The following USP5 variants were observed in gnomAD, a reference collection of about 807,000 sequenced individuals.
USP5 encodes ubiquitin carboxyl-terminal hydrolase 5.
A neutral mutation model predicts 102.5 loss-of-function variants in USP5; 24 were observed. That is an observed-to-expected ratio of 0.23 (90% CI 0.17 to 0.33). The LOEUF (loss-of-function observed/expected upper bound fraction) is 0.33, where lower values mean the gene tolerates loss of function less well. Ranked by LOEUF, USP5 falls within the 10% of genes least tolerant of loss-of-function variation. The pLI is 1.00. For missense variants in USP5, 753 were observed against 1,122.1 expected, an observed-to-expected ratio of 0.67 and a Z score of 4.70; for synonymous variants, 460 against 434.8, an observed-to-expected ratio of 1.06 and a Z score of -0.72.
In USP5 at chr12:6,855,662, C is replaced by A; in HGVS notation, c.238-93C>A. On this transcript the variant is annotated intron_variant, in intron 2 of 19. Coordinates refer to ENST00000229268, the MANE Select transcript of USP5 (RefSeq NM_001098536.2). This position sits in a 1 kb window ranked among gnomAD's most constrained non-coding sequence, Gnocchi z 4.6. Reference sequence around the variant, plus strand: ...AGATGTTTTTTAGCTTTATTCCGTTCTGAGATGAAGCACTACCTCCTTCCG... The same window carrying A: ...AGATGTTTTTTAGCTTTATTCCGTTATGAGATGAAGCACTACCTCCTTCCG... 3.1e-6 allele frequency: 5 copies of A among 1,595,168 alleles called. No homozygotes were observed. The highest frequency in any genetic ancestry group is 3.4e-6 in the Non-Finnish European group (4 of 1,168,044).
intron 9 of USP5, 82 bp downstream of exon 9, chr12:6,859,623 C>T (rs781800404): frequency 2.2e-6 from 3 of 1,366,422 alleles, no homozygotes; most frequent in South Asian, 1.2e-5. Flanking sequence ...CTGGGGGGCA[C>T]AGCACTTTAA....
chr12:6,858,294 C>T lies in USP5; in HGVS notation c.865-130C>T. 2.2e-6 allele frequency: 2 copies of T among 917,096 alleles called. No homozygotes were observed. Among genetic ancestry groups the T allele is most frequent in the South Asian group, 3.5e-5 (2 of 56,418 alleles). 56.8% of individuals were successfully genotyped at this position (917,096 alleles called of 1,614,324 possible). On this transcript the variant is annotated intron_variant, in intron 7 of 19. Coordinates refer to ENST00000229268, the MANE Select transcript of USP5 (RefSeq NM_001098536.2). The surrounding 1 kb of genome is among the most constrained non-coding windows in gnomAD (Gnocchi z 4.2). ...AACTGGACGATACTCAACATACCTC[C>T]CATGTTTGAGCCTGTAATTCCACAA... is the stretch of plus-strand genomic sequence containing the variant.
rs898044116 is a variant in USP5, at chr12:6,864,263, C to T, written c.2244+68C>T. The T allele has an allele frequency of 6.6e-7, 1 of 1,508,246 alleles. No individual in the cohort carries two copies. The highest frequency in any genetic ancestry group is 8.8e-7 in the Non-Finnish European group (1 of 1,131,350). The allele number at this position is 1,508,246 out of a possible 1,614,324, so 93.4% of individuals were successfully genotyped here. The stretch of plus-strand genomic sequence containing the variant: ...AAGGGGGTGGGAATGAGGGGCCATC[C>T]TTCTTGAGCAAGACCAAAGACAACA... On this transcript the variant is annotated intron_variant, in intron 17 of 19. Transcript: ENST00000229268. This position sits in a 1 kb window ranked among gnomAD's most constrained non-coding sequence, Gnocchi z 4.8.
rs1555130397 is a variant in USP5 at position 6,864,735 on chromosome 12, A to G, written c.2258A>G (p.Glu753Gly). Residue 753 changes from glutamate (E) to glycine (G), a missense_variant, in exon 18 of 20, where the codon GAA becomes GGA. Glu to Gly is a moderately conservative substitution (Grantham distance 98). Around this residue, in one of 3 missense-constraint regions of USP5, gnomAD observed 193 missense variants for 230.2 expected, o/e 0.84. Coordinates refer to ENST00000229268, the MANE Select transcript of USP5 (RefSeq NM_001098536.2). The surrounding 1 kb of genome is among the most constrained non-coding windows in gnomAD (Gnocchi z 4.8). Reference protein sequence around the residue: ...KALRATNNSLERAVDWIFSHI... With the variant: ...KALRATNNSLGRAVDWIFSHI... ...TTCCTCTCCAAGAACAATAGTTTAG[A>G]ACGGGCTGTGGACTGGATCTTCAGT... The G allele has an allele frequency of 6.2e-7, 1 of 1,610,642 alleles. No individual in the cohort carries two copies. Among genetic ancestry groups the G allele is most frequent in the African/African-American group, 1.3e-5 (1 of 75,068 alleles).
At position 6,852,727 on chromosome 12, in the gene USP5, T is replaced by C. The variant is rs782634547; in HGVS notation, c.111+437T>C. ...CTCGGCCGGGGTTGGAGTTGGGGGG[T>C]GGGGACCGCAGTTCCTAGGCGGTTA... On this transcript the variant is annotated intron_variant, in intron 1 of 19. Coordinates refer to ENST00000229268, the MANE Select transcript of USP5 (RefSeq NM_001098536.2). Among the ~76,000 whole-genome samples, 3 of 150,046 alleles carry C rather than the reference T, an allele frequency of 2.0e-5. No individual in the cohort carries two copies. In the East Asian group the frequency reaches 5.9e-4, roughly 29 times the overall value.
In USP5 at chr12:6,860,281, G is replaced by T; in HGVS notation, c.1218+43G>T. 1 of 1,610,980 alleles carries T rather than the reference G, an allele frequency of 6.2e-7. No homozygotes were observed. Among genetic ancestry groups the T allele is most frequent in the Non-Finnish European group, 8.5e-7 (1 of 1,177,760 alleles). ...TCCCTTTCAGGCCCTGGGATTGTGG[G>T]GAAGCTGAGGTCTGGGAGATGTCTA... On this transcript the variant is annotated intron_variant, in intron 10 of 19. Coordinates refer to ENST00000229268, the MANE Select transcript of USP5 (RefSeq NM_001098536.2). This position sits in a 1 kb window ranked among gnomAD's most constrained non-coding sequence, Gnocchi z 5.5.
chr12:6,858,510 C>T lies in USP5; in HGVS notation c.951C>T (p.Leu317=), dbSNP rs139017031. ...WELIQESGVP[L]KPLFGPGYTG... is the part of the protein sequence containing the mutation. ...TGATCCAGGAGTCAGGTGTGCCACT[C>T]AAGCCCCTGTTTGGGCCTGGCTACA... The change falls in exon 8 of 20, where the codon CTC becomes CTT. Residue 317 remains leucine, a synonymous_variant. Coordinates refer to ENST00000229268, the MANE Select transcript of USP5 (RefSeq NM_001098536.2). This position sits in a 1 kb window ranked among gnomAD's most constrained non-coding sequence, Gnocchi z 4.2. 1 of 1,613,962 alleles carries T rather than the reference C, an allele frequency of 6.2e-7. No individual in the cohort carries two copies. The highest frequency in any genetic ancestry group is 1.1e-5 in the South Asian group (1 of 91,076).
chr12:6,857,631 G>T lies in USP5; in HGVS notation c.772G>T (p.Val258Leu). 5 of 1,613,438 alleles carry T rather than the reference G, an allele frequency of 3.1e-6. No individual in the cohort carries two copies. The highest frequency in any genetic ancestry group is 3.4e-6 in the Non-Finnish European group (4 of 1,179,878). The change falls in exon 7 of 20, where the codon GTG becomes TTG. Residue 258 changes from valine (V) to leucine (L), a missense_variant and splice_region_variant. Val to Leu is a conservative substitution (Grantham distance 32). Around this residue, in one of 3 missense-constraint regions of USP5, gnomAD observed 527 missense variants for 816.5 expected, o/e 0.65. Coordinates refer to ENST00000229268, the MANE Select transcript of USP5 (RefSeq NM_001098536.2). Reference protein sequence around the residue: ...LGTITPDGADVYSYDEDDMVL... With the variant: ...LGTITPDGADLYSYDEDDMVL... ...TCTCTTCCTGCCTCCTGCTCTAGAC[G>T]TGTACTCATATGATGAGGATGACAT... is the stretch of plus-strand genomic sequence containing the variant.
chr12:6,852,402 C>G, intron 1 of USP5, 112 bp downstream of exon 1: 1 of 1,070,770 alleles, frequency 9.3e-7, no homozygotes, highest in Admixed American at 2.2e-5. Flanking sequence ...CACCATGGGA[C>G]TTGTAGTCTC....
chr12:6,864,967 G>A lies in USP5; in HGVS notation c.2398+92G>A. 6.6e-7 allele frequency: 1 copy of A among 1,512,560 alleles called. No homozygotes were observed. Among genetic ancestry groups the A allele is most frequent in the Non-Finnish European group, 8.9e-7 (1 of 1,125,376 alleles). The allele number at this position is 1,512,560 out of a possible 1,614,324, so 93.7% of individuals were successfully genotyped here. On this transcript the variant is annotated intron_variant, in intron 18 of 19. Coordinates refer to ENST00000229268, the MANE Select transcript of USP5 (RefSeq NM_001098536.2). This position sits in a 1 kb window ranked among gnomAD's most constrained non-coding sequence, Gnocchi z 4.8. ...ATTCAGGCAGCTCTGCCCTCCTCAGGAGTCAGGGGCTTCTTTCCACCTCAA... is the reference window on the plus strand; with the variant it reads ...ATTCAGGCAGCTCTGCCCTCCTCAGAAGTCAGGGGCTTCTTTCCACCTCAA...
chr12:6,864,690 A>G lies in USP5; in HGVS notation c.2245-32A>G. The G allele has an allele frequency of 6.3e-7, 1 of 1,589,664 alleles. No individual in the cohort carries two copies. Among genetic ancestry groups the G allele is most frequent in the African/African-American group, 1.3e-5 (1 of 74,876 alleles). On this transcript the variant is annotated intron_variant, in intron 17 of 19. Transcript: ENST00000229268. This position sits in a 1 kb window ranked among gnomAD's most constrained non-coding sequence, Gnocchi z 4.8. Reference sequence around the variant, plus strand: ...GGCGACAGAGCAAGACTCCGTCTCAAGAAAAAAAGTAATGCTTCCTTCCTC... The same window carrying G: ...GGCGACAGAGCAAGACTCCGTCTCAGGAAAAAAAGTAATGCTTCCTTCCTC...
At chr12:6,862,438 G>GGA in intron 13 of USP5, 32 bp from the exon 14 acceptor site, 1 of 1,597,932 alleles carries the variant, frequency 6.3e-7, no homozygotes, top group Non-Finnish European at 8.6e-7. Flanking sequence ...CCTGGGGATT[G>GGA]TCTGGGTACC....
At position 6,855,867 on chromosome 12, in the gene USP5, T is replaced by C. The variant is rs371612920; in HGVS notation, c.304+46T>C. The C allele has an allele frequency of 6.3e-5, 102 of 1,613,282 alleles. No homozygotes were observed. Among genetic ancestry groups the C allele is most frequent in the Non-Finnish European group, 8.2e-5 (97 of 1,179,416 alleles). ...ATTCTTCTCCCTGAGCTGGTCTTTC[T>C]GGCTCTCAGCAGCACCAGGAAAGCC... On this transcript the variant is annotated intron_variant, in intron 3 of 19. Coordinates refer to ENST00000229268, the MANE Select transcript of USP5 (RefSeq NM_001098536.2). This position sits in a 1 kb window ranked among gnomAD's most constrained non-coding sequence, Gnocchi z 4.6.
rs782541892 is a variant in USP5, at chr12:6,856,486, C to T, written c.584+36C>T. The T allele has an allele frequency of 5.1e-6, 8 of 1,584,014 alleles. No homozygotes were observed. The highest frequency in any genetic ancestry group is 4.0e-5 in the African/African-American group (3 of 74,354). On this transcript the variant is annotated intron_variant, in intron 5 of 19. Coordinates refer to ENST00000229268, the MANE Select transcript of USP5 (RefSeq NM_001098536.2). The surrounding 1 kb of genome is among the most constrained non-coding windows in gnomAD (Gnocchi z 5.6). ...GCCCCTCTGCCTCGGGCACCACCCC[C>T]AGAGCAAGGACAAGGAGCCCACTTT...
rs782366690 is a variant in USP5, at chr12:6,856,121, G to T, written c.409G>T (p.Gly137Trp). 5.6e-6 allele frequency: 9 copies of T among 1,614,050 alleles called. No individual in the cohort carries two copies. The highest frequency in any genetic ancestry group is 7.6e-6 in the Non-Finnish European group (9 of 1,180,034). The stretch of plus-strand genomic sequence containing the variant: ...CCTGGAGATTGCCCGGGATGGACTG[G>T]GGGGACTGCCTGACATTGTCAGAGA... The part of the protein sequence containing the change: ...DYLEIARDGL[G>W]GLPDIVRDRV... Residue 137 changes from glycine to tryptophan, a missense_variant, in exon 4 of 20, where the codon GGG (glycine) becomes TGG (tryptophan). This residue lies in a region of USP5 where 527 missense variants were observed against 816.5 expected (regional missense o/e 0.65). Transcript: ENST00000229268. This position sits in a 1 kb window ranked among gnomAD's most constrained non-coding sequence, Gnocchi z 5.6.
Position 6,864,959 on chromosome 12 carries a change from C to CAGGA in USP5, c.2398+84_2398+85insAGGA. On this transcript the variant is annotated intron_variant, in intron 18 of 19. Coordinates refer to ENST00000229268, the MANE Select transcript of USP5 (RefSeq NM_001098536.2). This position sits in a 1 kb window ranked among gnomAD's most constrained non-coding sequence, Gnocchi z 4.8. ...GATCCCTCATTCAGGCAGCTCTGCC[C>CAGGA]TCCTCAGGAGTCAGGGGCTTCTTTC... The CAGGA allele has an allele frequency of 6.5e-7, 1 of 1,535,938 alleles. No homozygotes were observed. The highest frequency in any genetic ancestry group is 1.9e-5 in the Admixed American group (1 of 53,584).
Position 6,861,664 on chromosome 12 carries a change from T to C in USP5, c.1673+47T>C, listed in dbSNP as rs782782479. The stretch of plus-strand genomic sequence containing the variant: ...TGAGGCTGTGGGTCTATGGCAGAGC[T>C]ATCCCAGAGGATACTTCTGTCTCTT... On this transcript the variant is annotated intron_variant, in intron 13 of 19. Coordinates refer to ENST00000229268, the MANE Select transcript of USP5 (RefSeq NM_001098536.2). This position sits in a 1 kb window ranked among gnomAD's most constrained non-coding sequence, Gnocchi z 4.9. 4.6e-5 allele frequency: 67 copies of C among 1,452,526 alleles called. No homozygotes were observed. The highest frequency in any genetic ancestry group is 6.1e-5 in the Non-Finnish European group (67 of 1,099,132). The allele number at this position is 1,452,526 out of a possible 1,614,324, so 90.0% of individuals were successfully genotyped here.
rs146260415 is a variant in USP5 at position 6,866,337 on chromosome 12, G to A, written c.*260G>A. 8.5e-3 allele frequency: 4,040 copies of A among 477,042 alleles called. 116 individuals carry two copies. The highest frequency in any genetic ancestry group is 0.07 in the Admixed American group (2,128 of 30,526). 29.6% of individuals were successfully genotyped at this position (477,042 alleles called of 1,614,324 possible). ...AGACTTTGTTGCTTCCCCTGCCCCCGGAATCCACAGTGCTCTGCTTCTCTG... is the reference window on the plus strand; with the variant it reads ...AGACTTTGTTGCTTCCCCTGCCCCCAGAATCCACAGTGCTCTGCTTCTCTG... On this transcript the variant is annotated 3_prime_UTR_variant, in exon 20 of 20. Transcript: ENST00000229268. This position sits in a 1 kb window ranked among gnomAD's most constrained non-coding sequence, Gnocchi z 4.7.
chr12:6,858,378 C>A lies in USP5; in HGVS notation c.865-46C>A. ...CAGTGAGAGATCGAGGTAAAAACTA[C>A]AGGGTTGAGTTTCTCACTCAGTCTG... On this transcript the variant is annotated intron_variant, in intron 7 of 19. Transcript: ENST00000229268. This position sits in a 1 kb window ranked among gnomAD's most constrained non-coding sequence, Gnocchi z 4.2. 1.3e-6 allele frequency: 2 copies of A among 1,573,926 alleles called. No individual in the cohort carries two copies. The highest frequency in any genetic ancestry group is 1.7e-6 in the Non-Finnish European group (2 of 1,147,644).
Sources: gnomAD v4.1 joint callset for allele counts (sites outside exome capture counted in the v4.1 genomes callset) on GRCh38, gnomAD v4.1.1 for gene constraint, gnomAD v4.1.1 regional missense constraint, Gnocchi (gnomAD v3.1) non-coding constraint, MANE v1.5 for transcripts, NCBI Gene and HGNC (gene_info 2026-07-23, HGNC 2026-07-21) for gene names.